The following PRKG1 variants were observed in gnomAD, a reference collection of about 807,000 sequenced individuals.
PRKG1 encodes the protein cGMP-dependent protein kinase 1.
Under a neutral mutation model 88.1 loss-of-function variants are expected in PRKG1, and 35 were observed. The observed-to-expected ratio is 0.40, with a 90% CI of 0.30 to 0.53. The LOEUF (loss-of-function observed/expected upper bound fraction) is 0.53, where lower values mean the gene tolerates loss of function less well. PRKG1 is among the 20% of genes least tolerant of loss of function. PRKG1 has a pLI of 0.59. For missense variants in PRKG1, 540 were observed against 839.8 expected, an observed-to-expected ratio of 0.64 and a Z score of 4.41; for synonymous variants, 303 against 292.5, an observed-to-expected ratio of 1.04 and a Z score of -0.37.
intron 1 of PRKG1, among the ~76,000 whole-genome samples, chr10:50,993,228 C>T (rs1842800222): frequency 6.6e-6 from 1 of 152,184 alleles, no homozygotes; most frequent in African/African-American, 2.4e-5. Flanking sequence ...AAACAGGAAT[C>T]AGGCAGAAAG....
intron 2 of PRKG1, among the ~76,000 whole-genome samples, chr10:51,199,182 T>C (rs1189400008): frequency 1.3e-5 from 2 of 152,132 alleles, no homozygotes; most frequent in Non-Finnish European, 2.9e-5. Context: ...TCTGAAAAAG[T>C]TGGGAGGGGA....
At chr10:51,396,341 C>T (rs116227535) in intron 2 of PRKG1, among the ~76,000 whole-genome samples, 5 of 151,230 alleles carry the variant, frequency 3.3e-5, no homozygotes, top group Admixed American at 6.6e-5. Context: ...TTTGAGGTTA[C>T]GGTGATCGCA....
chr10:51,593,328 C>G (rs1838359336), intron 3 of PRKG1, among the ~76,000 whole-genome samples: 1 of 151,744 alleles, frequency 6.6e-6, no homozygotes, highest in African/African-American at 2.4e-5. Context: ...AAACAAAAAA[C>G]TAGACCTAGT....
At position 51,249,240 on chromosome 10, in the gene PRKG1, G is replaced by A. The variant is rs1435354489; in HGVS notation, c.478+95910G>A. On this transcript the variant is annotated intron_variant, in intron 2 of 17. Transcript: ENST00000373980. ...TATAGTTTGAAAGAATAGCTTATAA[G>A]AAAATGTTAGTAATGGGGTCATCCC... Among the ~76,000 whole-genome samples the A allele has an allele frequency of 3.3e-5, 5 of 151,802 alleles. No homozygotes were observed. The East Asian group carries it at 9.7e-4, about 29-fold the overall frequency.
intron 2 of PRKG1, among the ~76,000 whole-genome samples, chr10:51,232,806 A>G (rs1479296612): frequency 1.3e-5 from 2 of 152,182 alleles, no homozygotes; most frequent in African/African-American, 4.8e-5. Flanking sequence ...CTTCAATAGA[A>G]TCAACCTGCC....
At chr10:51,353,160 A>G (rs1301553899) in intron 2 of PRKG1, among the ~76,000 whole-genome samples, 1 of 152,174 alleles carries the variant, frequency 6.6e-6, no homozygotes, top group East Asian at 1.9e-4. Flanking sequence ...TAGATTAACA[A>G]TTTAAAGCTA....
At chr10:51,485,813 T>A (rs1033561412) in intron 3 of PRKG1, among the ~76,000 whole-genome samples, 5 of 152,160 alleles carry the variant, frequency 3.3e-5, no homozygotes, top group African/African-American at 1.2e-4. Context: ...GAATTCTTAT[T>A]AGGGTCATGT....
At chr10:51,947,647 G>A (rs963820539) in intron 5 of PRKG1, among the ~76,000 whole-genome samples, 1 of 152,150 alleles carries the variant, frequency 6.6e-6, no homozygotes, top group Non-Finnish European at 1.5e-5. Context: ...AAAGTGTGAA[G>A]GACACTCAAG....
In PRKG1 at chr10:51,288,309, C is replaced by T. The variant is rs1335427022; in HGVS notation, c.478+134979C>T. On this transcript the variant is annotated intron_variant, in intron 2 of 17. Coordinates refer to ENST00000373980, the MANE Select transcript of PRKG1 (RefSeq NM_006258.4). ...GATTTTAAACTTCTATTGTTATGCACTGAAAGAGAGTATAAATGTGTTACT... is the reference window on the plus strand; with the variant it reads ...GATTTTAAACTTCTATTGTTATGCATTGAAAGAGAGTATAAATGTGTTACT... 2.6e-5 allele frequency among the ~76,000 whole-genome samples: 4 copies of T among 151,720 alleles called. No individual in the cohort carries two copies. In the East Asian group the frequency reaches 7.7e-4, roughly 29 times the overall value.
chr10:51,192,011 G>T (rs1001089323), intron 2 of PRKG1, among the ~76,000 whole-genome samples: 1 of 151,744 alleles, frequency 6.6e-6, no homozygotes, highest in Non-Finnish European at 1.5e-5. Context: ...TAGTGCAGAT[G>T]TTATTATAAG....
At chr10:51,881,799 G>A (rs1841445059) in intron 4 of PRKG1, among the ~76,000 whole-genome samples, 1 of 152,108 alleles carries the variant, frequency 6.6e-6, no homozygotes, top group African/African-American at 2.4e-5. Context: ...TAGCATATTT[G>A]AAATGCCTTA....
intron 3 of PRKG1, among the ~76,000 whole-genome samples, chr10:51,611,443 A>G (rs1363709653): frequency 3.3e-5 from 5 of 151,090 alleles, no homozygotes; most frequent in African/African-American, 1.2e-4. Flanking sequence ...ATATCTATTC[A>G]TGTCCTTTGC....
chr10:51,698,366 G>T (rs752868245), intron 3 of PRKG1: 5 of 1,613,956 alleles, frequency 3.1e-6, no homozygotes, highest in Non-Finnish European at 4.2e-6. Context: ...GGGGCCTCTG[G>T]GCTCTCCAAT....
chr10:51,488,093 A>G (rs1024899395), intron 3 of PRKG1, among the ~76,000 whole-genome samples: 2 of 152,190 alleles, frequency 1.3e-5, no homozygotes, highest in Non-Finnish European at 2.9e-5. Context: ...TCATCATCTA[A>G]TTCAAATTCT....
At chr10:51,584,833 A>G (rs1838131322) in intron 3 of PRKG1, among the ~76,000 whole-genome samples, 1 of 152,124 alleles carries the variant, frequency 6.6e-6, no homozygotes, top group Admixed American at 6.6e-5. Flanking sequence ...TTACCAAGCT[A>G]CTTTCTTTCT....
At chr10:51,184,414 A>T (rs1837429671) in intron 2 of PRKG1, among the ~76,000 whole-genome samples, 1 of 152,206 alleles carries the variant, frequency 6.6e-6, no homozygotes, top group South Asian at 2.1e-4. Context: ...TTACCAAAGT[A>T]AAATATTTTG....
At chr10:51,203,670 G>A (rs1171585483) in intron 2 of PRKG1, among the ~76,000 whole-genome samples, 2 of 152,108 alleles carry the variant, frequency 1.3e-5, no homozygotes, top group African/African-American at 4.8e-5. Context: ...GCACACATTT[G>A]GACAAATATC....
intron 7 of PRKG1, among the ~76,000 whole-genome samples, chr10:52,094,490 C>T (rs1406457692): frequency 5.9e-5 from 9 of 151,938 alleles, no homozygotes; most frequent in African/African-American, 2.2e-4. Flanking sequence ...ATATCACCAC[C>T]GTTCATATAT....
intron 4 of PRKG1, among the ~76,000 whole-genome samples, chr10:51,840,352 G>A (rs1840240334): frequency 6.6e-6 from 1 of 151,830 alleles, no homozygotes. Flanking sequence ...TGTTCTTAGA[G>A]GTAATGCCTT....
Sources: gnomAD v4.1 joint callset for allele counts (sites outside exome capture counted in the v4.1 genomes callset) on GRCh38, gnomAD v4.1.1 for gene constraint, MANE v1.5 for transcripts, NCBI Gene and HGNC (gene_info 2026-07-23, HGNC 2026-07-21) for gene names.